NCBP3: variants seen among roughly 807,000 people sequenced by gnomAD.
The protein encoded by NCBP3 is nuclear cap binding subunit 3.
A neutral mutation model predicts 75.7 loss-of-function variants in NCBP3; 20 were observed. The ratio of observed to expected loss-of-function variants is 0.26; its 90% CI spans 0.19 to 0.38. The LOEUF (loss-of-function observed/expected upper bound fraction) is 0.38. Among genes scored for constraint, NCBP3 ranks in the 10% least tolerant of loss-of-function variants. The pLI is 1.00. For missense variants in NCBP3, 678 were observed against 796.9 expected, an observed-to-expected ratio of 0.85 and a Z score of 1.80; for synonymous variants, 293 against 290.5, an observed-to-expected ratio of 1.01 and a Z score of -0.09.
At chr17:3,844,180 T>C (rs1040813992) in intron 1 of NCBP3, among the ~76,000 whole-genome samples, 5 of 152,096 alleles carry the variant, frequency 3.3e-5, no homozygotes, top group South Asian at 2.1e-4. Context: ...CTGAGGCAAA[T>C]ACAGCACAGT....
rs186624813 is a variant in NCBP3 at position 3,807,299 on chromosome 17, C to T, written c.*5745G>A. 7.9e-5 allele frequency: 12 copies of T among 152,330 alleles called. No individual in the cohort carries two copies. Among genetic ancestry groups the T allele is most frequent in the Non-Finnish European group, 1.8e-4 (12 of 68,022 alleles). 9.4% of individuals were successfully genotyped at this position (152,330 alleles called of 1,614,324 possible). On this transcript the variant is annotated 3_prime_UTR_variant, in exon 13 of 13. Coordinates refer to ENST00000389005, the MANE Select transcript of NCBP3 (RefSeq NM_001114118.3). ...ATGCTTTTCTAAAAAATATTTTGGA[C>T]CATCTGCATGATTCCCTAGCAAATG... is the stretch of plus-strand genomic sequence containing the variant.
At chr17:3,833,257 G>GA (rs1353863112) in intron 3 of NCBP3, among the ~76,000 whole-genome samples, 2 of 151,956 alleles carry the variant, frequency 1.3e-5, no homozygotes, top group Non-Finnish European at 2.9e-5. Flanking sequence ...TGTTTCAAAA[G>GA]AAAAAACCAC....
chr17:3,837,499 A>T (rs1243564499), intron 3 of NCBP3, among the ~76,000 whole-genome samples: 1 of 150,800 alleles, frequency 6.6e-6, no homozygotes, highest in Non-Finnish European at 1.5e-5. Flanking sequence ...GAAAAAAAAA[A>T]TGCTGGGCAG....
rs1385077697 is a variant in NCBP3 at position 3,802,305 on chromosome 17, T to C, written c.*10739A>G. On this transcript the variant is annotated 3_prime_UTR_variant, in exon 13 of 13. Transcript: ENST00000389005. ...GGGTGGACAATGGTGTTGACTTCAT[T>C]ACTAGATAAAAATCCATGTTATTTT... 1 of 152,172 alleles carries C rather than the reference T, an allele frequency of 6.6e-6. No individual in the cohort carries two copies. Among genetic ancestry groups the C allele is most frequent in the Non-Finnish European group, 1.5e-5 (1 of 68,034 alleles). The allele number at this position is 152,172 out of a possible 1,614,324, so 9.4% of individuals were successfully genotyped here.
chr17:3,831,862 G>A (rs1272520914), intron 3 of NCBP3, among the ~76,000 whole-genome samples: 4 of 121,900 alleles, frequency 3.3e-5, no homozygotes, highest in African/African-American at 1.0e-4. Context: ...AACATAAAGA[G>A]TGTAATTGGA....
chr17:3,829,533 A>G (rs1368888975), intron 3 of NCBP3, among the ~76,000 whole-genome samples, 165 bp from the exon 4 acceptor site: 1 of 152,212 alleles, frequency 6.6e-6, no homozygotes, highest in Non-Finnish European at 1.5e-5. Flanking sequence ...AGTAAGGTAA[A>G]CTATCTTAAT....
At chr17:3,828,741 A>T (rs571053375) in intron 4 of NCBP3, among the ~76,000 whole-genome samples, 1 of 152,216 alleles carries the variant, frequency 6.6e-6, no homozygotes, top group African/African-American at 2.4e-5. Context: ...AGAAATGAGA[A>T]GTCTAGTAGA....
rs1318604600 is a variant in NCBP3, at chr17:3,821,316, G to A, written c.933C>T (p.Asp311=). 4.3e-6 allele frequency: 7 copies of A among 1,613,906 alleles called. No homozygotes were observed. The highest frequency in any genetic ancestry group is 1.3e-5 in the African/African-American group (1 of 74,914). The change falls in exon 9 of 13, where the codon GAC becomes GAT. Residue 311 remains aspartate (D), a synonymous_variant. Coordinates refer to ENST00000389005, the MANE Select transcript of NCBP3 (RefSeq NM_001114118.3). ...RRYHSRRIQR[D]VIKKRALIGD... ...CAATCAGGGCTCTCTTCTTGATCAC[G>A]TCCCGCTGAATACGACGGGAATGAT...
Position 3,803,097 on chromosome 17 carries a change from C to T in NCBP3, c.*9947G>A, listed in dbSNP as rs2053293130. The T allele has an allele frequency of 6.6e-6, 1 of 152,200 alleles. No individual in the cohort carries two copies. The allele number at this position is 152,200 out of a possible 1,614,324, so 9.4% of individuals were successfully genotyped here. ...GGCCAGGCTCTGTTGAGTAATGCTC[C>T]CCATCACAGCACGCAGCACAAGGCT... On this transcript the variant is annotated 3_prime_UTR_variant, in exon 13 of 13. Coordinates refer to ENST00000389005, the MANE Select transcript of NCBP3 (RefSeq NM_001114118.3).
At chr17:3,843,241 T>C (rs1196055754) in intron 1 of NCBP3, 90 bp from the exon 2 acceptor site, 3 of 971,880 alleles carry the variant, frequency 3.1e-6, no homozygotes, top group African/African-American at 1.9e-5. Context: ...GGTTCTTTTT[T>C]CCTTTTTTTT....
chr17:3,814,493 G>A lies in NCBP3; in HGVS notation c.1466-10C>T. 1 of 1,613,482 alleles carries A rather than the reference G, an allele frequency of 6.2e-7. No homozygotes were observed. The highest frequency in any genetic ancestry group is 8.5e-7 in the Non-Finnish European group (1 of 1,179,854). On this transcript the variant is annotated splice_polypyrimidine_tract_variant and intron_variant, in intron 11 of 12. Transcript: ENST00000389005. ...AACCGCTGGCGTATATCTGAAAAAA[G>A]AGAAAAAGTGCACCAGTGACCGTGT...
intron 1 of NCBP3, among the ~76,000 whole-genome samples, chr17:3,844,625 C>T (rs1052051251): frequency 2.0e-5 from 3 of 152,040 alleles, no homozygotes; most frequent in Non-Finnish European, 2.9e-5. Flanking sequence ...CAGAGGCGGG[C>T]GGATCACCTG....
chr17:3,832,183 C>CAA (rs754603661), intron 3 of NCBP3, among the ~76,000 whole-genome samples: 25 of 29,922 alleles, frequency 8.4e-4, no homozygotes, highest in Admixed American at 1.4e-3. Flanking sequence ...GACTCCGTCG[C>CAA]AAAAAAAAAA....
chr17:3,830,180 T>G (rs1317802828), intron 3 of NCBP3, among the ~76,000 whole-genome samples: 1 of 152,214 alleles, frequency 6.6e-6, no homozygotes, highest in Non-Finnish European at 1.5e-5. Context: ...CCTACGGACC[T>G]AGGAACTCCA....
rs1408342493 is a variant in NCBP3, at chr17:3,846,147, G to T, written c.77C>A (p.Pro26His). 6.5e-7 allele frequency: 1 copy of T among 1,539,178 alleles called. No homozygotes were observed. Among genetic ancestry groups the T allele is most frequent in the South Asian group, 1.2e-5 (1 of 83,648 alleles). ...PAGPALGLPS[P>H]EAESGVDRGE... is the part of the protein sequence containing the mutation. ...ACGGTCAACACCGGACTCCGCCTCA[G>T]GGGACGGGAGCCCCAGGGCCGGCCC... Residue 26 changes from proline to histidine, a missense_variant, in exon 1 of 13, where the codon CCT (proline) becomes CAT (histidine). Physicochemically the swap from Pro to His is moderately conservative, Grantham distance 77 (BLOSUM62 -2). Transcript: ENST00000389005. The surrounding 1 kb of genome is among the most constrained non-coding windows in gnomAD (Gnocchi z 4.6).
chr17:3,803,133 C>T lies in NCBP3; in HGVS notation c.*9911G>A, dbSNP rs747337439. On this transcript the variant is annotated 3_prime_UTR_variant, in exon 13 of 13. Transcript: ENST00000389005. Reference sequence around the variant, plus strand: ...ACGCAGCACAAGGCTGGCTGTTTGACAAATACACACATAACCAAAAGACAT... The same window carrying T: ...ACGCAGCACAAGGCTGGCTGTTTGATAAATACACACATAACCAAAAGACAT... 2 of 152,206 alleles carry T rather than the reference C, an allele frequency of 1.3e-5. No homozygotes were observed. The highest frequency in any genetic ancestry group is 2.9e-5 in the Non-Finnish European group (2 of 68,034). 9.4% of individuals were successfully genotyped at this position (152,206 alleles called of 1,614,324 possible).
rs1437520991 is a variant in NCBP3, at chr17:3,816,145, G to A, written c.1436C>T (p.Pro479Leu). The change falls in exon 11 of 13, where the codon CCA becomes CTA. Residue 479 changes from proline to leucine, a missense_variant. Transcript: ENST00000389005. The part of the protein sequence containing the change: ...LLDEKRQHSR[P>L]RPPVSSTKSD... ...TTTAGTACTGCTGACTGGTGGCCGTGGACGGGAGTGCTGACGTTTCTCATC... is the reference window on the plus strand; with the variant it reads ...TTTAGTACTGCTGACTGGTGGCCGTAGACGGGAGTGCTGACGTTTCTCATC... The A allele has an allele frequency of 6.2e-7, 1 of 1,614,100 alleles. No individual in the cohort carries two copies. The highest frequency in any genetic ancestry group is 1.7e-5 in the Admixed American group (1 of 60,014).
chr17:3,820,917 G>A (rs975954360), intron 9 of NCBP3, among the ~76,000 whole-genome samples: 5 of 150,074 alleles, frequency 3.3e-5, no homozygotes, highest in Admixed American at 1.3e-4. Flanking sequence ...GAGACAGAGC[G>A]AGACTCCGTC....
In NCBP3 at chr17:3,813,039, G is replaced by C. The variant is rs778338110; in HGVS notation, c.*5C>G. 6.2e-7 allele frequency: 1 copy of C among 1,614,094 alleles called. No homozygotes were observed. Among genetic ancestry groups the C allele is most frequent in the Non-Finnish European group, 8.5e-7 (1 of 1,180,010 alleles). On this transcript the variant is annotated 3_prime_UTR_variant, in exon 13 of 13. Transcript: ENST00000389005. ...TTAGGGCAGCTGCCATAGGCCCCAG[G>C]GGCATCAGGACTCTGCCTCTGAACC...
Sources: allele counts gnomAD v4.1 joint callset (sites outside exome capture counted in the v4.1 genomes callset), GRCh38; gene constraint gnomAD v4.1.1; non-coding constraint Gnocchi (gnomAD v3.1); transcripts MANE v1.5; gene names NCBI Gene and HGNC (gene_info 2026-07-23, HGNC 2026-07-21).